Variants in SPMIP11 observed in about 807,000 individuals in gnomAD.
SPMIP11 encodes sperm microtubule inner protein 11.
At chr12:48,765,641 TTCAG>T in the SPMIP11 span, 3 of 702,890 alleles carry the variant, frequency 4.3e-6, no homozygotes, top group Admixed American at 6.0e-5. Flanking sequence ...TGACAGGACC[TTCAG>T]TCTGTATTAA....
At chr12:48,765,851 T>C in the SPMIP11 span, 14 of 574,198 alleles carry the variant, frequency 2.4e-5, no homozygotes, top group Non-Finnish European at 2.2e-5. Flanking sequence ...AGTGTCCAGA[T>C]TGTTGTGAGA....
chr12:48,766,158 C>T, the SPMIP11 span: 1 of 154,182 alleles, frequency 6.5e-6, no homozygotes, highest in African/African-American at 2.4e-5. Context: ...ACTTCTGACC[C>T]ACCCAGGGCC....
chr12:48,734,630 C>T, the SPMIP11 span, among the ~76,000 whole-genome samples: 18 of 152,014 alleles, frequency 1.2e-4, no homozygotes, highest in Non-Finnish European at 1.9e-4. Flanking sequence ...ACTGAGATAC[C>T]ACTCTGTGAT....
chr12:48,744,014 G>A, the SPMIP11 span, among the ~76,000 whole-genome samples: 1,668 of 149,828 alleles, frequency 0.011, 25 homozygotes, highest in African/African-American at 0.04. Flanking sequence ...TTGGGATGCC[G>A]AGGCAGTGCC....
chr12:48,728,633 G>C, the SPMIP11 span, among the ~76,000 whole-genome samples: 1 of 151,134 alleles, frequency 6.6e-6, no homozygotes, highest in Non-Finnish European at 1.5e-5. Flanking sequence ...GTGTGAACCC[G>C]GGAGGCGGAG....
the SPMIP11 span, among the ~76,000 whole-genome samples, chr12:48,762,393 A>C: frequency 2.0e-5 from 1 of 49,276 alleles, no homozygotes; most frequent in Non-Finnish European, 3.5e-5. Flanking sequence ...TTTGAGACGG[A>C]ATCTTGCTCT....
the SPMIP11 span, among the ~76,000 whole-genome samples, chr12:48,748,947 G>C: frequency 2.2e-4 from 34 of 152,150 alleles, no homozygotes; most frequent in African/African-American, 7.0e-4. Flanking sequence ...TCTCACTCTT[G>C]CATTAATTTG....
At chr12:48,761,719 CTTTTTTTTT>C in the SPMIP11 span, among the ~76,000 whole-genome samples, 1 of 95,244 alleles carries the variant, frequency 1.0e-5, no homozygotes, top group African/African-American at 4.4e-5. Context: ...ATATAACATT[CTTTTTTTTT>C]TTTTTTTTTT....
the SPMIP11 span, among the ~76,000 whole-genome samples, chr12:48,760,094 T>C: frequency 6.7e-6 from 1 of 150,102 alleles, no homozygotes; most frequent in African/African-American, 2.5e-5. Context: ...ACCATGCCCA[T>C]CAATGAAATG....
chr12:48,745,507 G>A, the SPMIP11 span, among the ~76,000 whole-genome samples: 5 of 152,252 alleles, frequency 3.3e-5, no homozygotes, highest in Non-Finnish European at 7.4e-5. Context: ...TTGGGAGGCT[G>A]AGGCCGGAGA....
At chr12:48,765,543 T>C in the SPMIP11 span, 1 of 701,054 alleles carries the variant, frequency 1.4e-6, no homozygotes, top group Non-Finnish European at 2.6e-6. Flanking sequence ...GGGAGCTATT[T>C]TTAAGGATCT....
chr12:48,768,320 C>A, the SPMIP11 span: 1 of 523,238 alleles, frequency 1.9e-6, no homozygotes, highest in Non-Finnish European at 3.5e-6. Context: ...TGACCCCTCC[C>A]CTGCTCCCAA....
At chr12:48,761,702 G>T in the SPMIP11 span, among the ~76,000 whole-genome samples, 1 of 146,560 alleles carries the variant, frequency 6.8e-6, no homozygotes, top group Non-Finnish European at 1.5e-5. Flanking sequence ...AGCGTATGAT[G>T]CCATTTATAT....
chr12:48,767,947 TC>T, the SPMIP11 span: 1 of 154,230 alleles, frequency 6.5e-6, no homozygotes, highest in African/African-American at 2.4e-5. Context: ...GTCCCTTTGT[TC>T]CCCTTTGGGG....
At chr12:48,771,395 C>G in the SPMIP11 span, 4 of 518,872 alleles carry the variant, frequency 7.7e-6, no homozygotes, top group Non-Finnish European at 1.4e-5. The surrounding 1 kb of genome is among the most constrained non-coding windows in gnomAD (Gnocchi z 4.3). Flanking sequence ...CTTGGTTGGT[C>G]TCATGAGGTT....
At chr12:48,732,725 G>T in the SPMIP11 span, among the ~76,000 whole-genome samples, 1 of 151,206 alleles carries the variant, frequency 6.6e-6, no homozygotes, top group Non-Finnish European at 1.5e-5. Flanking sequence ...AGCCTAGATT[G>T]TACCATTGCA....
the SPMIP11 span, chr12:48,769,155 A>G: frequency 3.1e-6 from 4 of 1,306,338 alleles, no homozygotes; most frequent in East Asian, 2.6e-5. Flanking sequence ...GGACCCAGAG[A>G]AAAAAATGGA....
the SPMIP11 span, chr12:48,765,731 C>T: frequency 3.0e-4 from 212 of 698,964 alleles, no homozygotes; most frequent in Middle Eastern, 1.5e-3. Context: ...TTCCCAGTTC[C>T]GATGGCTGAC....
the SPMIP11 span, among the ~76,000 whole-genome samples, chr12:48,749,048 G>A: frequency 6.6e-6 from 1 of 152,024 alleles, no homozygotes; most frequent in Non-Finnish European, 1.5e-5. Context: ...GATCACTTGA[G>A]GCCAGGAGTT....
Sources: gnomAD v4.1 joint callset for allele counts (sites outside exome capture counted in the v4.1 genomes callset) on GRCh38, gnomAD v4.1.1 for gene constraint, Gnocchi (gnomAD v3.1) non-coding constraint, MANE v1.5 for transcripts, NCBI Gene and HGNC (gene_info 2026-07-23, HGNC 2026-07-21) for gene names.